The following ABCC4 variants were observed in gnomAD, a reference collection of about 807,000 sequenced individuals.
ABCC4 encodes ATP-binding cassette sub-family C member 4.
ABCC4 carries 102 observed loss-of-function variants against 168.5 expected under a neutral mutation model. That is an observed-to-expected ratio of 0.61 (90% confidence interval 0.52 to 0.71). The LOEUF (loss-of-function observed/expected upper bound fraction) is 0.71. Among genes scored for constraint, ABCC4 ranks in the 30% least tolerant of loss-of-function variants. The pLI is 0.00. For synonymous variants in ABCC4, 617 were observed against 590.7 expected, an observed-to-expected ratio of 1.04 and a Z score of -0.65; for missense variants, 1,402 against 1,605.8, an observed-to-expected ratio of 0.87 and a Z score of 2.17.
intron 25 of ABCC4, among the ~76,000 whole-genome samples, chr13:95,067,487 C>T (rs187123446): frequency 5.9e-5 from 9 of 152,060 alleles, no homozygotes; most frequent in Admixed American, 4.6e-4. Flanking sequence ...AATTGCTTAC[C>T]GGAGAGCAAC....
intron 18 of ABCC4, chr13:95,161,636 T>C (rs2037103445): frequency 5.5e-6 from 1 of 181,290 alleles, no homozygotes. Flanking sequence ...GGATAGATAA[T>C]CATGAAGTGT....
intron 20 of ABCC4, among the ~76,000 whole-genome samples, chr13:95,102,744 C>A (rs2034856911): frequency 6.6e-6 from 1 of 151,658 alleles, no homozygotes. Flanking sequence ...CCTCAGCCCC[C>A]CAAGTAGCTG....
At chr13:95,103,189 T>G (rs188934903) in intron 20 of ABCC4, among the ~76,000 whole-genome samples, 2,422 of 152,120 alleles carry the variant, frequency 0.016, 66 homozygotes, top group African/African-American at 0.056. Flanking sequence ...GGCATGAACC[T>G]GGGAGGCAGT....
intron 19 of ABCC4, among the ~76,000 whole-genome samples, chr13:95,157,804 C>T (rs770845248): frequency 1.3e-5 from 2 of 152,078 alleles, no homozygotes; most frequent in African/African-American, 2.4e-5. Context: ...GGCGCGGTGG[C>T]TCACGCCTGT....
chr13:95,186,934 G>C (rs368410278), intron 10 of ABCC4, 42 bp from the exon 11 acceptor site: 101 of 1,543,192 alleles, frequency 6.5e-5, no homozygotes, highest in Non-Finnish European at 8.6e-5. Context: ...GTCAACACTC[G>C]AGACAAGAAT....
At chr13:95,031,597 G>GT (rs1473080873) in intron 30 of ABCC4, among the ~76,000 whole-genome samples, 2 of 152,154 alleles carry the variant, frequency 1.3e-5, no homozygotes, top group African/African-American at 4.8e-5. Context: ...CTATACGAAC[G>GT]TAAGTTACGA....
chr13:95,286,956 C>CAA lies in ABCC4; in HGVS notation c.74+14283_74+14284dup, dbSNP rs34188007. Among the ~76,000 whole-genome samples, 784 of 118,724 alleles carry CAA rather than the reference C, an allele frequency of 6.6e-3. 7 individuals are homozygous for CAA. Among genetic ancestry groups the CAA allele is most frequent in the Middle Eastern group, 0.022 (4 of 184 alleles). The allele number at this position is 118,724 out of a possible 152,430, so 77.9% of individuals were successfully genotyped here. On this transcript the variant is annotated intron_variant, in intron 1 of 30. Transcript: ENST00000645237. ...GGGCAACAAGAGTGAAACTCTGTCT[C>CAA]AAAAAAAAAAAAAAAAGAAAAGAAA...
At chr13:95,220,241 A>G (rs1286512088) in intron 4 of ABCC4, among the ~76,000 whole-genome samples, 4 of 152,134 alleles carry the variant, frequency 2.6e-5, no homozygotes, top group African/African-American at 9.7e-5. Context: ...CAAATATGAC[A>G]TGTTTCATGT....
In ABCC4 at chr13:95,249,995, A is replaced by C. The variant is rs147431284; in HGVS notation, c.75-2242T>G. Among the ~76,000 whole-genome samples the C allele has an allele frequency of 2.4e-3, 364 of 152,344 alleles. 2 individuals carry two copies. Among genetic ancestry groups the C allele is most frequent in the African/African-American group, 8.4e-3 (348 of 41,574 alleles). On this transcript the variant is annotated intron_variant, in intron 1 of 30. Coordinates refer to ENST00000645237, the MANE Select transcript of ABCC4 (RefSeq NM_005845.5). ...GACACAAATCAGTAAGGACTTAACA[A>C]GGACCCTCCTACTCTCTCTCATTGC...
intron 4 of ABCC4, among the ~76,000 whole-genome samples, chr13:95,221,370 T>C (rs994550555): frequency 6.6e-6 from 1 of 152,090 alleles, no homozygotes; most frequent in Non-Finnish European, 1.5e-5. Flanking sequence ...CTGAGACTAC[T>C]GGTACACACC....
At chr13:95,111,205 A>C (rs2035193411) in intron 20 of ABCC4, among the ~76,000 whole-genome samples, 1 of 152,216 alleles carries the variant, frequency 6.6e-6, no homozygotes, top group Non-Finnish European at 1.5e-5. Flanking sequence ...TTAACCTGTG[A>C]AGAGCCATTC....
chr13:95,080,108 C>G (rs1729752), intron 21 of ABCC4, among the ~76,000 whole-genome samples: 128,127 of 152,126 alleles, frequency 0.84, 55,740 homozygotes, highest in Non-Finnish European at 0.95. Flanking sequence ...TCCTGTGCCG[C>G]TTATTAACCA....
At chr13:95,107,171 C>CACTT (rs199641651) in intron 20 of ABCC4, among the ~76,000 whole-genome samples, 1,528 of 152,200 alleles carry the variant, frequency 0.01, 25 homozygotes, top group African/African-American at 0.034. Flanking sequence ...GCAGGACAAT[C>CACTT]ACTTGGAACA....
chr13:95,252,651 G>C (rs190464011), intron 1 of ABCC4, among the ~76,000 whole-genome samples: 1 of 152,148 alleles, frequency 6.6e-6, no homozygotes, highest in Non-Finnish European at 1.5e-5. Flanking sequence ...CTCCAGCCTA[G>C]GTGACAGAGC....
chr13:95,154,336 G>A (rs1221991773), intron 19 of ABCC4, among the ~76,000 whole-genome samples: 1 of 152,146 alleles, frequency 6.6e-6, no homozygotes, highest in Non-Finnish European at 1.5e-5. Flanking sequence ...GGGAAAGCCC[G>A]CAGGACTTAA....
chr13:95,092,322 A>C (rs1220489488), intron 20 of ABCC4, among the ~76,000 whole-genome samples: 1 of 152,218 alleles, frequency 6.6e-6, no homozygotes, highest in Non-Finnish European at 1.5e-5. Context: ...CTTAACATAC[A>C]TAAATAGAAC....
At chr13:95,222,023 G>A (rs192846317) in intron 4 of ABCC4, among the ~76,000 whole-genome samples, 265 of 152,330 alleles carry the variant, frequency 1.7e-3, no homozygotes, top group African/African-American at 6.0e-3. Flanking sequence ...AGCAGGTCAG[G>A]TCTGAGATGG....
chr13:95,079,643 T>A (rs1020368392), intron 21 of ABCC4, among the ~76,000 whole-genome samples: 9 of 152,216 alleles, frequency 5.9e-5, no homozygotes, highest in Non-Finnish European at 1.3e-4. Flanking sequence ...GAGACCAGCC[T>A]GATCAATATG....
chr13:95,020,506 T>G lies in ABCC4; in HGVS notation c.*1069A>C, dbSNP rs1482443466. ...ATTCAACAGAAAGCCCAAATGACAA[T>G]GCTATTAGTGGTCAGGAGTAAACTA... On this transcript the variant is annotated 3_prime_UTR_variant, in exon 31 of 31. Coordinates refer to ENST00000645237, the MANE Select transcript of ABCC4 (RefSeq NM_005845.5). 2 of 152,458 alleles carry G rather than the reference T, an allele frequency of 1.3e-5. No individual in the cohort carries two copies. Among genetic ancestry groups the G allele is most frequent in the African/African-American group, 4.8e-5 (2 of 41,448 alleles). 9.4% of individuals were successfully genotyped at this position (152,458 alleles called of 1,614,324 possible). A position where few individuals can be genotyped will look rare whatever the true frequency, so the allele number is the denominator to read the frequency against.
Sources: gnomAD v4.1 joint callset for allele counts (sites outside exome capture counted in the v4.1 genomes callset) on GRCh38, gnomAD v4.1.1 for gene constraint, MANE v1.5 for transcripts, NCBI Gene and HGNC (gene_info 2026-07-23, HGNC 2026-07-21) for gene names.